Variants in ARHGEF38 observed in about 807,000 individuals in gnomAD.
ARHGEF38 encodes Rho guanine nucleotide exchange factor (GEF) 38.
ARHGEF38 carries 79 observed loss-of-function variants against 79.9 expected under a neutral mutation model. The ratio of observed to expected loss-of-function variants is 0.99; its 90% CI spans 0.82 to 1.19. The LOEUF (loss-of-function observed/expected upper bound fraction) is 1.19. ARHGEF38 is among the 50% of genes most tolerant of loss of function. The pLI is 0.00. For missense variants in ARHGEF38, 962 were observed against 907.2 expected (o/e 1.06, Z -0.78); for synonymous variants, 366 against 328.3 (o/e 1.11, Z -1.24).
intron 10 of ARHGEF38, among the ~76,000 whole-genome samples, chr4:105,661,436 A>G (rs139957833): frequency 3.2e-4 from 49 of 151,150 alleles, no homozygotes; most frequent in African/African-American, 1.1e-3. Context: ...TTATCTTCTC[A>G]GCAGTATCGA....
In ARHGEF38 at chr4:105,644,215, T is replaced by C. The variant is rs78544286; in HGVS notation, c.675-973T>C. Among the ~76,000 whole-genome samples, 723 of 152,310 alleles carry C rather than the reference T, an allele frequency of 4.7e-3. 3 individuals are homozygous for C. Among genetic ancestry groups the C allele is most frequent in the African/African-American group, 0.016 (685 of 41,574 alleles). ...ACTTTTCTAATTTTGTTCAACATTT[T>C]TATAGCTGTTTTACTATTCTAATAA... is the stretch of plus-strand genomic sequence containing the variant. On this transcript the variant is annotated intron_variant, in intron 5 of 13. Transcript: ENST00000420470.
chr4:105,621,511 T>G (rs1207666380), intron 3 of ARHGEF38, among the ~76,000 whole-genome samples: 1 of 152,150 alleles, frequency 6.6e-6, no homozygotes, highest in African/African-American at 2.4e-5. Flanking sequence ...GAGAAATAAT[T>G]TAGAGCTTTC....
intron 1 of ARHGEF38, among the ~76,000 whole-genome samples, chr4:105,561,080 C>T (rs979346334): frequency 1.3e-5 from 2 of 152,032 alleles, no homozygotes; most frequent in African/African-American, 4.8e-5. Flanking sequence ...ACTATTTTGT[C>T]TGTCTAAAAG....
intron 1 of ARHGEF38, among the ~76,000 whole-genome samples, chr4:105,577,657 A>T (rs1305752369): frequency 6.6e-6 from 1 of 151,958 alleles, no homozygotes; most frequent in Non-Finnish European, 1.5e-5. Flanking sequence ...TTAATCTAAG[A>T]GGGTTGTATG....
intron 1 of ARHGEF38, among the ~76,000 whole-genome samples, chr4:105,567,989 G>A (rs1726022402): frequency 1.5e-5 from 2 of 135,610 alleles, no homozygotes; most frequent in South Asian, 4.6e-4. Flanking sequence ...GTGTCCATGT[G>A]ATCTCATTGT....
chr4:105,654,363 C>A (rs1333565548), intron 8 of ARHGEF38, among the ~76,000 whole-genome samples, 194 bp downstream of exon 8: 1 of 152,128 alleles, frequency 6.6e-6, no homozygotes, highest in Non-Finnish European at 1.5e-5. Context: ...GACCTCTTAC[C>A]TGCTCCACTC....
chr4:105,648,052 G>A (rs1578345026), intron 6 of ARHGEF38, among the ~76,000 whole-genome samples: 1 of 151,858 alleles, frequency 6.6e-6, no homozygotes, highest in East Asian at 1.9e-4. Flanking sequence ...ACCATGCCAG[G>A]CTAATTTTTG....
At chr4:105,648,720 G>C (rs1384675602) in intron 7 of ARHGEF38, 38 bp downstream of exon 7, 15 of 1,477,126 alleles carry the variant, frequency 1.0e-5, no homozygotes, top group Non-Finnish European at 1.3e-5. Flanking sequence ...TTTTCCCAGG[G>C]AACATGAATG....
intron 7 of ARHGEF38, among the ~76,000 whole-genome samples, chr4:105,652,369 G>A (rs990982699): frequency 1.1e-4 from 16 of 152,142 alleles, no homozygotes; most frequent in African/African-American, 3.6e-4. Context: ...TGAAACAACC[G>A]AAATCCATCA....
intron 9 of ARHGEF38, among the ~76,000 whole-genome samples, chr4:105,657,036 AGATAGATAGATAGAT>A (rs1473154767): frequency 1.3e-5 from 2 of 151,896 alleles, no homozygotes; most frequent in African/African-American, 4.8e-5. Flanking sequence ...GATGATAGAT[AGATAGATAGATAGAT>A]GATAGATAGA....
intron 1 of ARHGEF38, among the ~76,000 whole-genome samples, chr4:105,580,897 A>T (rs1476686526): frequency 6.7e-6 from 1 of 150,322 alleles, no homozygotes; most frequent in Non-Finnish European, 1.5e-5. Context: ...CTGGTCTCAA[A>T]CTCCTGACCT....
intron 1 of ARHGEF38, among the ~76,000 whole-genome samples, chr4:105,585,321 T>A (rs1726982482): frequency 6.6e-6 from 1 of 152,206 alleles, no homozygotes; most frequent in Non-Finnish European, 1.5e-5. Flanking sequence ...CAAGGCTCTG[T>A]GAGGATAACT....
intron 2 of ARHGEF38, among the ~76,000 whole-genome samples, chr4:105,597,039 C>A (rs542676549): frequency 6.6e-6 from 1 of 152,300 alleles, no homozygotes; most frequent in East Asian, 1.9e-4. Flanking sequence ...CCCAGCCCAG[C>A]TCCTCAGACC....
At chr4:105,608,309 G>GA (rs1481368193) in intron 2 of ARHGEF38, among the ~76,000 whole-genome samples, 2 of 151,956 alleles carry the variant, frequency 1.3e-5, no homozygotes, top group African/African-American at 4.8e-5. Context: ...GCATTTGTCT[G>GA]ATGATAGTGA....
intron 4 of ARHGEF38, among the ~76,000 whole-genome samples, chr4:105,633,809 C>T (rs1464341774): frequency 6.6e-6 from 1 of 152,048 alleles, no homozygotes; most frequent in African/African-American, 2.4e-5. Context: ...AGGAGATAAA[C>T]AAAACCATGT....
At chr4:105,642,842 TTTTA>T (rs1321368534) in intron 5 of ARHGEF38, among the ~76,000 whole-genome samples, 1 of 152,166 alleles carries the variant, frequency 6.6e-6, no homozygotes, top group African/African-American at 2.4e-5. Flanking sequence ...TTTGATAGTC[TTTTA>T]GTGATTTTCA....
intron 13 of ARHGEF38, among the ~76,000 whole-genome samples, chr4:105,675,359 G>A (rs925382529): frequency 4.6e-5 from 7 of 152,092 alleles, no homozygotes; most frequent in East Asian, 1.9e-4. Context: ...ACTGCCATGC[G>A]CTCTGTAAAA....
chr4:105,605,640 G>A (rs1399171743), intron 2 of ARHGEF38, among the ~76,000 whole-genome samples: 1 of 152,086 alleles, frequency 6.6e-6, no homozygotes, highest in East Asian at 1.9e-4. Context: ...TTTCACAGCA[G>A]GAAATTTCAC....
At chr4:105,582,461 C>T (rs1183308953) in intron 1 of ARHGEF38, among the ~76,000 whole-genome samples, 1 of 151,970 alleles carries the variant, frequency 6.6e-6, no homozygotes, top group Non-Finnish European at 1.5e-5. Flanking sequence ...TAACAGATAT[C>T]TTCTATTCAC....
Sources: allele counts gnomAD v4.1 joint callset (sites outside exome capture counted in the v4.1 genomes callset), GRCh38; gene constraint gnomAD v4.1.1; transcripts MANE v1.5; gene names NCBI Gene and HGNC (gene_info 2026-07-23, HGNC 2026-07-21).